The following CAMTA1 variants were observed in gnomAD, a reference collection of about 807,000 sequenced individuals.
CAMTA1 encodes the protein calmodulin-binding transcription activator 1.
A neutral mutation model predicts 170.9 loss-of-function variants in CAMTA1; 27 were observed. The observed-to-expected ratio is 0.16, with a 90% CI of 0.12 to 0.22. CAMTA1 has a LOEUF of 0.22. Ranked by LOEUF, CAMTA1 falls within the 10% of genes least tolerant of loss-of-function variation. The pLI is 1.00. For synonymous variants in CAMTA1, 833 were observed against 891.5 expected (o/e 0.93, Z 1.17); for missense variants, 1,619 against 2,217.2 (o/e 0.73, Z 5.42).
intron 3 of CAMTA1, among the ~76,000 whole-genome samples, chr1:6,917,643 A>C (rs1180085227): frequency 1.3e-5 from 2 of 151,746 alleles, no homozygotes; most frequent in Non-Finnish European, 2.9e-5. Flanking sequence ...AGCAGAGGAG[A>C]GTTCAGTTGG....
At chr1:6,931,341 TCA>T (rs1452572679) in intron 3 of CAMTA1, among the ~76,000 whole-genome samples, 1 of 152,118 alleles carries the variant, frequency 6.6e-6, no homozygotes, top group Non-Finnish European at 1.5e-5. Flanking sequence ...GTGAATAGAA[TCA>T]GAGTCACTTA....
intron 4 of CAMTA1, among the ~76,000 whole-genome samples, chr1:7,129,679 G>A (rs1015091797): frequency 3.9e-5 from 6 of 152,128 alleles, no homozygotes; most frequent in African/African-American, 1.4e-4. Flanking sequence ...TATTTAGAGT[G>A]TACAATTTGA....
At chr1:6,858,806 A>G (rs1053091137) in intron 3 of CAMTA1, among the ~76,000 whole-genome samples, 7 of 152,232 alleles carry the variant, frequency 4.6e-5, no homozygotes, top group Non-Finnish European at 7.3e-5. Flanking sequence ...TAACTCAGGA[A>G]GATCTAACTT....
chr1:6,877,061 C>G (rs72638524), intron 3 of CAMTA1, among the ~76,000 whole-genome samples: 9,808 of 152,304 alleles, frequency 0.064, 344 homozygotes, highest in Middle Eastern at 0.099. Flanking sequence ...GACTTGCCTC[C>G]TCCTCCTCTG....
At chr1:7,096,318 G>A (rs969370968) in intron 4 of CAMTA1, among the ~76,000 whole-genome samples, 1 of 152,110 alleles carries the variant, frequency 6.6e-6, no homozygotes, top group Non-Finnish European at 1.5e-5. Context: ...CCGCCCTGAT[G>A]GTGGTGGACA....
chr1:7,642,486 C>T lies in CAMTA1; in HGVS notation c.664+1933C>T, dbSNP rs1000428622. ...GTGCTGCGGGCCCTGCTGTCAGGCC[C>T]GCCTGCCTGCCTTCGTACTCAGTAC... On this transcript the variant is annotated intron_variant, in intron 7 of 22. Coordinates refer to ENST00000303635, the MANE Select transcript of CAMTA1 (RefSeq NM_015215.4). The surrounding 1 kb of genome is among the most constrained non-coding windows in gnomAD (Gnocchi z 6.3). 1.3e-5 allele frequency among the ~76,000 whole-genome samples: 2 copies of T among 152,150 alleles called. No individual in the cohort carries two copies. Among genetic ancestry groups the T allele is most frequent in the East Asian group, 1.9e-4 (1 of 5,178 alleles).
intron 3 of CAMTA1, among the ~76,000 whole-genome samples, chr1:6,855,464 A>AAG (rs369751152): frequency 1.0e-4 from 15 of 150,440 alleles, no homozygotes; most frequent in African/African-American, 2.7e-4. Flanking sequence ...GAGCAGGAGC[A>AAG]AGAGAGAGAG....
At chr1:7,629,145 C>A (rs1427944187) in intron 6 of CAMTA1, among the ~76,000 whole-genome samples, 4 of 152,230 alleles carry the variant, frequency 2.6e-5, no homozygotes, top group African/African-American at 9.6e-5. Context: ...GGACAGGACA[C>A]CAACCAACAA....
chr1:7,229,570 A>G (rs1574048588), intron 4 of CAMTA1, among the ~76,000 whole-genome samples: 6 of 35,352 alleles, frequency 1.7e-4, no homozygotes, highest in South Asian at 1.6e-3. Context: ...AGAGGGGGAG[A>G]GGAGGGTGAG....
chr1:6,789,827 T>C (rs1640531026), intron 1 of CAMTA1, among the ~76,000 whole-genome samples: 1 of 145,128 alleles, frequency 6.9e-6, no homozygotes, highest in Non-Finnish European at 1.5e-5. Flanking sequence ...TTTTTTTTTT[T>C]TGAGACAGAG....
intron 5 of CAMTA1, among the ~76,000 whole-genome samples, chr1:7,274,717 T>C (rs777484481): frequency 1.3e-5 from 2 of 152,206 alleles, no homozygotes; most frequent in Non-Finnish European, 2.9e-5. Context: ...TTTAAAAAGA[T>C]TACTGCTTCT....
At chr1:7,494,361 C>A (rs2149726438) in intron 6 of CAMTA1, among the ~76,000 whole-genome samples, 1 of 152,304 alleles carries the variant, frequency 6.6e-6, no homozygotes, top group Admixed American at 6.5e-5. Flanking sequence ...TGTACAGCAC[C>A]TGGAAATATG....
intron 5 of CAMTA1, among the ~76,000 whole-genome samples, chr1:7,295,811 G>A (rs1410175081): frequency 1.3e-5 from 2 of 152,186 alleles, no homozygotes; most frequent in African/African-American, 4.8e-5. Flanking sequence ...AGAGCAGGGT[G>A]TATTGGTTAT....
chr1:7,739,450 T>G (rs948319116), intron 16 of CAMTA1, among the ~76,000 whole-genome samples: 3 of 151,984 alleles, frequency 2.0e-5, no homozygotes, highest in African/African-American at 7.3e-5. Flanking sequence ...TTCTGGGGAG[T>G]TGCCGGGGGC....
intron 16 of CAMTA1, among the ~76,000 whole-genome samples, chr1:7,742,418 T>C (rs1313601082): frequency 6.6e-6 from 1 of 152,186 alleles, no homozygotes; most frequent in Non-Finnish European, 1.5e-5. Context: ...TATATGTGTG[T>C]ATGTAGTTAA....
intron 4 of CAMTA1, among the ~76,000 whole-genome samples, chr1:7,176,556 C>T (rs1558207162): frequency 1.3e-5 from 2 of 152,160 alleles, no homozygotes; most frequent in Admixed American, 6.5e-5. Context: ...TCTAGACACT[C>T]GCTCCAGCTC....
chr1:6,933,420 T>A (rs2149384454), intron 3 of CAMTA1, among the ~76,000 whole-genome samples: 1 of 152,210 alleles, frequency 6.6e-6, no homozygotes, highest in East Asian at 1.9e-4. Flanking sequence ...CCACCAACCC[T>A]GGCTAATTTT....
At chr1:7,518,419 A>C (rs1005187194) in intron 6 of CAMTA1, among the ~76,000 whole-genome samples, 4 of 151,834 alleles carry the variant, frequency 2.6e-5, no homozygotes, top group African/African-American at 9.7e-5. Flanking sequence ...GACACCCCCA[A>C]GGTCAGTGTC....
intron 5 of CAMTA1, among the ~76,000 whole-genome samples, chr1:7,355,153 C>T (rs1235084219): frequency 1.3e-5 from 2 of 149,948 alleles, no homozygotes; most frequent in Non-Finnish European, 3.0e-5. Context: ...TTGCAGTGAG[C>T]CGAGATCACA....
Sources: allele counts gnomAD v4.1 joint callset (sites outside exome capture counted in the v4.1 genomes callset), GRCh38; gene constraint gnomAD v4.1.1; non-coding constraint Gnocchi (gnomAD v3.1); transcripts MANE v1.5; gene names NCBI Gene and HGNC (gene_info 2026-07-23, HGNC 2026-07-21).